The following DNAJC13 variants were observed in gnomAD, a reference collection of about 807,000 sequenced individuals.
DNAJC13 encodes dnaJ homolog subfamily C member 13.
Under a neutral mutation model 290.5 loss-of-function variants are expected in DNAJC13, and 75 were observed. That is an observed-to-expected ratio of 0.26 (90% CI 0.21 to 0.31). The LOEUF is 0.31. Among genes scored for constraint, DNAJC13 ranks in the 10% least tolerant of loss-of-function variants. The pLI is 1.00. For synonymous variants in DNAJC13, 862 were observed against 892.0 expected, an observed-to-expected ratio of 0.97 and a Z score of 0.60; for missense variants, 2,260 against 2,674.5, an observed-to-expected ratio of 0.85 and a Z score of 3.42.
chr3:132,538,401 T>A lies in DNAJC13; in HGVS notation c.*119T>A. ...CTGGTTTCATGACAGTGTTATTCCT[T>A]TTTCTATAAATATATTTTTAGGAAA... On this transcript the variant is annotated 3_prime_UTR_variant, in exon 56 of 56. Transcript: ENST00000260818. 4.4e-6 allele frequency: 3 copies of A among 684,098 alleles called. No individual in the cohort carries two copies. Among genetic ancestry groups the A allele is most frequent in the Non-Finnish European group, 7.0e-6 (3 of 427,108 alleles). The allele number at this position is 684,098 out of a possible 1,614,324, so 42.4% of individuals were successfully genotyped here. A position where few individuals can be genotyped will look rare whatever the true frequency, so the allele number is the denominator to read the frequency against.
At position 132,522,860 on chromosome 3, in the gene DNAJC13, C is replaced by T. The variant is rs764191746; in HGVS notation, c.5706C>T (p.Ser1902=). Residue 1902 remains serine (S), a synonymous_variant, in exon 49 of 56, where the codon AGC becomes AGT. Transcript: ENST00000260818. ...TTACGTTAATGAAATTTCTACCAAG[C>T]GTTTTCATGGATGCTATGAGAGACA... ...VRITLMKFLP[S]VFMDAMRDNP... is the part of the protein sequence containing the mutation. The T allele has an allele frequency of 4.2e-5, 68 of 1,608,278 alleles. No individual in the cohort carries two copies. The Admixed American group carries it at 1.1e-3, about 25-fold the overall frequency.
At position 132,460,252 on chromosome 3, in the gene DNAJC13, C is replaced by T; in HGVS notation, c.1452C>T (p.Pro484=). The change falls in exon 14 of 56, where the codon CCC becomes CCT. Residue 484 remains proline (P), a splice_region_variant and synonymous_variant. Coordinates refer to ENST00000260818, the MANE Select transcript of DNAJC13 (RefSeq NM_015268.4). ...AVDMLCALMC[P]MHDDYDLRQE... ...TGTTTTTTTTTTTTCATCAATAGCC[C>T]ATGCATGATGACTATGACTTAAGAC... 1.9e-6 allele frequency: 3 copies of T among 1,595,612 alleles called. No individual in the cohort carries two copies. Among genetic ancestry groups the T allele is most frequent in the Non-Finnish European group, 2.6e-6 (3 of 1,168,336 alleles).
intron 4 of DNAJC13, 30 bp from the exon 5 acceptor site, chr3:132,447,868 C>T: frequency 6.3e-7 from 1 of 1,592,392 alleles, no homozygotes; most frequent in South Asian, 1.1e-5. Context: ...AGTCTGTTGT[C>T]ATAAACTGTG....
intron 42 of DNAJC13, among the ~76,000 whole-genome samples, chr3:132,505,960 T>C (rs1935569684): frequency 6.6e-6 from 1 of 151,968 alleles, no homozygotes; most frequent in Non-Finnish European, 1.5e-5. Context: ...GCTCATTCCA[T>C]GTTAGTCATC....
chr3:132,471,336 G>T (rs1434023445), intron 20 of DNAJC13, among the ~76,000 whole-genome samples: 9 of 143,206 alleles, frequency 6.3e-5, no homozygotes, highest in African/African-American at 2.3e-4. Flanking sequence ...CTGGCCGGGC[G>T]GGGGGTTGAC....
chr3:132,436,229 CCTCTTTTGGCAGGCGTTAAT>C (rs1042161174), intron 2 of DNAJC13, among the ~76,000 whole-genome samples: 1 of 152,132 alleles, frequency 6.6e-6, no homozygotes, highest in African/African-American at 2.4e-5. Context: ...CCTTTTTCCC[CCTCTTTTGGCAGGCGTTAAT>C]CTACTTCCTG....
intron 2 of DNAJC13, among the ~76,000 whole-genome samples, chr3:132,442,170 T>TTG (rs565687796): frequency 2.8e-4 from 42 of 152,208 alleles, no homozygotes; most frequent in African/African-American, 9.4e-4. Flanking sequence ...GTTGGTTTTT[T>TTG]TGTGTGTGTG....
chr3:132,503,392 C>T lies in DNAJC13; in HGVS notation c.4884+11C>T. 1 of 1,613,710 alleles carries T rather than the reference C, an allele frequency of 6.2e-7. No homozygotes were observed. The highest frequency in any genetic ancestry group is 8.5e-7 in the Non-Finnish European group (1 of 1,179,734). On this transcript the variant is annotated intron_variant, in intron 41 of 55. Coordinates refer to ENST00000260818, the MANE Select transcript of DNAJC13 (RefSeq NM_015268.4). ...GCTAGTGTGACTGAGGTATGTGCTT[C>T]ACAGGTAGCCTGGGTTTTAATCAAT...
intron 1 of DNAJC13, among the ~76,000 whole-genome samples, chr3:132,427,435 C>T (rs1939129108): frequency 6.6e-6 from 1 of 151,900 alleles, no homozygotes; most frequent in Non-Finnish European, 1.5e-5. Context: ...TCGCACCCGG[C>T]AATATTTTTT....
At chr3:132,433,842 GGA>G (rs531977770) in intron 1 of DNAJC13, among the ~76,000 whole-genome samples, 7 of 152,334 alleles carry the variant, frequency 4.6e-5, no homozygotes, top group African/African-American at 1.7e-4. Context: ...GTCCAGTGTG[GGA>G]GAGAGTTGGA....
At chr3:132,503,129 C>A in intron 40 of DNAJC13, 85 bp from the exon 41 acceptor site, 1 of 1,402,836 alleles carries the variant, frequency 7.1e-7, no homozygotes. Context: ...TAAATATGTT[C>A]CATATAGTGT....
intron 37 of DNAJC13, 59 bp downstream of exon 37, chr3:132,499,369 G>C (rs570509571): frequency 1.5e-6 from 2 of 1,376,368 alleles, no homozygotes; most frequent in Non-Finnish European, 9.8e-7. Context: ...TATGACTCTT[G>C]GCAGTGAAGA....
Position 132,474,984 on chromosome 3 carries a change from G to A in DNAJC13, c.2344G>A (p.Glu782Lys). The A allele has an allele frequency of 1.2e-6, 2 of 1,611,652 alleles. No homozygotes were observed. The highest frequency in any genetic ancestry group is 1.1e-5 in the South Asian group (1 of 90,848). The part of the protein sequence containing the change: ...SNLIWNFKTR[E>K]ELKDTLESEM... ...CCTTATTTGGAATTTCAAAACACGA[G>A]AAGAACTGAAAGATACTCTTGAATC... Residue 782 changes from glutamate to lysine, a missense_variant, in exon 22 of 56, where the codon GAA becomes AAA. This residue lies in a region of DNAJC13 where 762 missense variants were observed against 964.1 expected (regional missense o/e 0.79). Coordinates refer to ENST00000260818, the MANE Select transcript of DNAJC13 (RefSeq NM_015268.4).
intron 48 of DNAJC13, among the ~76,000 whole-genome samples, chr3:132,517,090 T>C (rs778645831): frequency 1.6e-4 from 24 of 152,232 alleles, no homozygotes; most frequent in Non-Finnish European, 2.8e-4. Context: ...ACAAAAAGTA[T>C]ATCAAGACTA....
intron 2 of DNAJC13, among the ~76,000 whole-genome samples, chr3:132,443,745 A>G (rs1412887696): frequency 6.6e-6 from 1 of 152,134 alleles, no homozygotes; most frequent in Non-Finnish European, 1.5e-5. Flanking sequence ...GCGGAGGGGA[A>G]GGGAGTTCTC....
rs1462125745 is a variant in DNAJC13 at position 132,447,272 on chromosome 3, CATTTTACTG to C, written c.145-48_145-40del. The C allele has an allele frequency of 4.4e-6, 6 of 1,367,802 alleles. No homozygotes were observed. The Admixed American group carries it at 1.5e-4, about 33-fold the overall frequency. 84.7% of individuals were successfully genotyped at this position (1,367,802 alleles called of 1,614,324 possible). On this transcript the variant is annotated intron_variant, in intron 3 of 55. Coordinates refer to ENST00000260818, the MANE Select transcript of DNAJC13 (RefSeq NM_015268.4). ...ATTAAAGTGACAAAAATAAGCATTA[CATTTTACTG>C]TATTATAGTAGCACCAGTCAAAATT... is the stretch of plus-strand genomic sequence containing the variant.
intron 2 of DNAJC13, among the ~76,000 whole-genome samples, chr3:132,435,306 C>G (rs1279000377): frequency 6.6e-6 from 1 of 152,144 alleles, no homozygotes; most frequent in Non-Finnish European, 1.5e-5. Flanking sequence ...AGTCTCTGGT[C>G]CCTTTGATCA....
At chr3:132,440,993 A>G (rs951796334) in intron 2 of DNAJC13, among the ~76,000 whole-genome samples, 9 of 152,158 alleles carry the variant, frequency 5.9e-5, no homozygotes, top group African/African-American at 1.9e-4. Flanking sequence ...AGTTATCCTT[A>G]ATTTCATTAT....
chr3:132,480,633 G>A (rs926334249), intron 26 of DNAJC13, among the ~76,000 whole-genome samples, 163 bp downstream of exon 26: 6 of 152,178 alleles, frequency 3.9e-5, no homozygotes, highest in African/African-American at 1.4e-4. Flanking sequence ...TGAAACCACT[G>A]TAAGAACGAT....
Sources: allele counts gnomAD v4.1 joint callset (sites outside exome capture counted in the v4.1 genomes callset), GRCh38; gene constraint gnomAD v4.1.1; regional missense constraint gnomAD v4.1.1; transcripts MANE v1.5; gene names NCBI Gene and HGNC (gene_info 2026-07-23, HGNC 2026-07-21).